Variants in NDUFAF6 observed in about 807,000 individuals in gnomAD.
NDUFAF6 encodes the protein NADH:ubiquinone oxidoreductase complex assembly factor 6.
NDUFAF6 carries 45 observed loss-of-function variants against 40.8 expected under a neutral mutation model. The ratio of observed to expected loss-of-function variants is 1.10; its 90% CI spans 0.87 to 1.42. NDUFAF6 has a LOEUF of 1.42. Ranked by LOEUF, NDUFAF6 falls within the 40% of genes most tolerant of loss-of-function variation. NDUFAF6 has a pLI of 0.00. For synonymous variants in NDUFAF6, 185 were observed against 155.9 expected, an observed-to-expected ratio of 1.19 and a Z score of -1.39; for missense variants, 435 against 418.5, an observed-to-expected ratio of 1.04 and a Z score of -0.34.
At chr8:94,985,484 TATATATATATATATATATATATATATATA>T (rs1563770517) in intron 2 of NDUFAF6, among the ~76,000 whole-genome samples, 3 of 4,748 alleles carry the variant, frequency 6.3e-4, no homozygotes, top group East Asian at 3.2e-3. Flanking sequence ...TATATATATA[TATATATATATATATATATATATATATATA>T]TATTTTTTTT....
At chr8:95,099,959 A>G (rs932997769), upstream of NDUFAF6, among the ~76,000 whole-genome samples, 2 of 152,228 alleles carry the variant, frequency 1.3e-5, no homozygotes, top group African/African-American at 4.8e-5. Flanking sequence ...CTTTGGGAGA[A>G]CATGCGCAGG....
At chr8:95,002,208 A>T (rs574828317) in intron 2 of NDUFAF6, among the ~76,000 whole-genome samples, 1 of 152,220 alleles carries the variant, frequency 6.6e-6, no homozygotes, top group Admixed American at 6.5e-5. Flanking sequence ...ACACTTCCTG[A>T]TAAAAATATC....
chr8:94,954,307 C>T (rs371307688), upstream of NDUFAF6, among the ~76,000 whole-genome samples: 81 of 152,062 alleles, frequency 5.3e-4, no homozygotes, highest in Middle Eastern at 3.4e-3. Context: ...ATGATCCGCC[C>T]GCCTCAGCCT....
chr8:95,038,238 C>T (rs776531608), intron 3 of NDUFAF6, among the ~76,000 whole-genome samples: 10 of 152,078 alleles, frequency 6.6e-5, no homozygotes, highest in African/African-American at 1.2e-4. Context: ...TTCAGTTTCT[C>T]GCTCTTCTCC....
chr8:95,033,737 G>T (rs1173609063), intron 2 of NDUFAF6, among the ~76,000 whole-genome samples: 1 of 152,170 alleles, frequency 6.6e-6, no homozygotes, highest in Non-Finnish European at 1.5e-5. Context: ...GAGGGAGTGA[G>T]CTGTACAGAT....
At chr8:95,103,915 C>A (rs546549154), downstream of NDUFAF6, among the ~76,000 whole-genome samples, 3 of 152,336 alleles carry the variant, frequency 2.0e-5, no homozygotes, top group South Asian at 2.1e-4. Context: ...TCAACCAGGG[C>A]TTTAACTACC....
At chr8:95,069,288 A>C (rs540079594) in intron 9 of NDUFAF6, 2 of 151,916 alleles carry the variant, frequency 1.3e-5, no homozygotes, top group African/African-American at 4.9e-5. Flanking sequence ...AGCACATAGC[A>C]TATCAGCAAT....
chr8:95,099,761 G>A (rs891268728), upstream of NDUFAF6, among the ~76,000 whole-genome samples: 4 of 151,976 alleles, frequency 2.6e-5, no homozygotes, highest in East Asian at 5.8e-4. Context: ...TCATCTTACC[G>A]GGGCTTGGTG....
exon 5 of NDUFAF6, chr8:95,115,694 G>C (rs1810117565): frequency 6.6e-6 from 1 of 152,148 alleles, no homozygotes; most frequent in South Asian, 2.1e-4. Context: ...TTTCACATAC[G>C]CGAGCTGTCA....
At chr8:94,947,917 C>T (rs1164964663) in intron 2 of NDUFAF6, among the ~76,000 whole-genome samples, 1 of 152,188 alleles carries the variant, frequency 6.6e-6, no homozygotes, top group East Asian at 1.9e-4. Flanking sequence ...TAAAAGCTTC[C>T]CAGTGCTTTT....
chr8:94,997,343 C>CACACACACACACACACAGAG (rs1242904810), intron 2 of NDUFAF6, among the ~76,000 whole-genome samples: 9 of 90,574 alleles, frequency 9.9e-5, no homozygotes, highest in South Asian at 4.7e-4. Context: ...CACACACACA[C>CACACACACACACACACAGAG]AGAGAGAGAG....
chr8:95,075,829 C>T, exon 10 of NDUFAF6: 1 of 548,472 alleles, frequency 1.8e-6, no homozygotes, highest in Non-Finnish European at 3.1e-6. Flanking sequence ...ACACACTTCT[C>T]CTTGCGCTAT....
intron 2 of NDUFAF6, among the ~76,000 whole-genome samples, chr8:95,085,942 T>C (rs1809031371): frequency 6.6e-6 from 1 of 152,194 alleles, no homozygotes; most frequent in Non-Finnish European, 1.5e-5. Flanking sequence ...ATTCTCCTAG[T>C]ATTTGTGTTG....
chr8:94,976,194 C>CAAA (rs34588079), intron 1 of NDUFAF6, among the ~76,000 whole-genome samples: 18 of 102,096 alleles, frequency 1.8e-4, no homozygotes, highest in African/African-American at 5.5e-4. Flanking sequence ...GACTGTGTCT[C>CAAA]AAAAAAAAAA....
chr8:95,029,872 G>T (rs755240183), intron 1 of NDUFAF6, among the ~76,000 whole-genome samples: 1 of 152,046 alleles, frequency 6.6e-6, no homozygotes, highest in Non-Finnish European at 1.5e-5. Flanking sequence ...TTACTACGTG[G>T]TTGAAAAGGT....
intron 1 of NDUFAF6, among the ~76,000 whole-genome samples, chr8:94,973,687 G>A (rs549442468): frequency 4.3e-4 from 62 of 144,642 alleles, no homozygotes; most frequent in African/African-American, 1.5e-3. Context: ...CAGCCTGGGC[G>A]ACAAGAGTGA....
At chr8:94,906,109 C>T (rs1818375651) in intron 1 of NDUFAF6, among the ~76,000 whole-genome samples, 2 of 152,162 alleles carry the variant, frequency 1.3e-5, no homozygotes, top group Admixed American at 6.5e-5. Context: ...TGTTTATGAA[C>T]TCCAAAGGAT....
chr8:95,110,695 C>A (rs1809975663), intron 4 of NDUFAF6, among the ~76,000 whole-genome samples: 2 of 152,214 alleles, frequency 1.3e-5, no homozygotes, highest in African/African-American at 4.8e-5. Context: ...TTATGTTCTT[C>A]TGCCTCCTCT....
chr8:94,997,652 A>G (rs1826517168), intron 2 of NDUFAF6, among the ~76,000 whole-genome samples: 1 of 152,190 alleles, frequency 6.6e-6, no homozygotes. Context: ...TTATTAGTGT[A>G]TATTATTTTT....
Sources: allele counts gnomAD v4.1 joint callset (sites outside exome capture counted in the v4.1 genomes callset), GRCh38; gene constraint gnomAD v4.1.1; transcripts MANE v1.5; gene names NCBI Gene and HGNC (gene_info 2026-07-23, HGNC 2026-07-21).